The following PWWP2A variants were observed in gnomAD, a reference collection of about 807,000 sequenced individuals.
PWWP2A encodes PWWP domain-containing protein 2A.
Under a neutral mutation model 48.5 loss-of-function variants are expected in PWWP2A, and 18 were observed. The ratio of observed to expected loss-of-function variants is 0.37; its 90% CI spans 0.26 to 0.55. PWWP2A has a LOEUF of 0.55. Among genes scored for constraint, PWWP2A ranks in the 20% least tolerant of loss-of-function variants. The pLI is 0.81. For synonymous variants in PWWP2A, 396 were observed against 387.7 expected, an observed-to-expected ratio of 1.02 and a Z score of -0.25; for missense variants, 867 against 976.4, an observed-to-expected ratio of 0.89 and a Z score of 1.49.
the PWWP2A span, among the ~76,000 whole-genome samples, chr5:160,045,311 C>T: frequency 1.3e-5 from 2 of 152,050 alleles, no homozygotes; most frequent in African/African-American, 2.4e-5. Context: ...AAGTGTTTTC[C>T]GCATTTGTTT....
chr5:160,056,669 G>A, the PWWP2A span, among the ~76,000 whole-genome samples: 1 of 152,174 alleles, frequency 6.6e-6, no homozygotes, highest in East Asian at 1.9e-4. Context: ...GCTGCAGTGA[G>A]CTGTGATGGC....
chr5:160,060,213 G>C (rs1173204305), downstream of PWWP2A, among the ~76,000 whole-genome samples: 1 of 152,220 alleles, frequency 6.6e-6, no homozygotes, highest in Admixed American at 6.5e-5. Flanking sequence ...CCATGCCCGA[G>C]TGATCTTAAG....
downstream of PWWP2A, among the ~76,000 whole-genome samples, chr5:160,059,657 C>G (rs1757646655): frequency 6.6e-6 from 1 of 152,102 alleles, no homozygotes; most frequent in African/African-American, 2.4e-5. Context: ...GGGAGAGATA[C>G]AAGGGAATGG....
the PWWP2A span, among the ~76,000 whole-genome samples, chr5:160,056,774 C>T: frequency 3.9e-5 from 6 of 152,130 alleles, no homozygotes; most frequent in South Asian, 6.2e-4. Context: ...TATTAAAGAG[C>T]TATATATGGA....
At chr5:160,088,898 A>G (rs534074587), downstream of PWWP2A, among the ~76,000 whole-genome samples, 9 of 152,212 alleles carry the variant, frequency 5.9e-5, no homozygotes, top group Non-Finnish European at 8.8e-5. Flanking sequence ...AAACATAAGC[A>G]ATTTTTAGAA....
At position 160,119,380 on chromosome 5, in the gene PWWP2A, G is replaced by A; in HGVS notation, c.9C>T (p.Ala3=). Reference sequence around the variant, plus strand: ...CAGTCGCTGCCGCCTCTGCAGCCACGGCCGCCATTTTCTTCCTAGCTTCTC... The same window carrying A: ...CAGTCGCTGCCGCCTCTGCAGCCACAGCCGCCATTTTCTTCCTAGCTTCTC... MA[A]VAAEAAATAA... is the part of the protein sequence containing the mutation. Residue 3 remains alanine, a synonymous_variant, in exon 1 of 2, where the codon GCC becomes GCT. Transcript: ENST00000307063. The A allele has an allele frequency of 3.1e-6, 4 of 1,278,306 alleles. No homozygotes were observed. Among genetic ancestry groups the A allele is most frequent in the South Asian group, 1.8e-5 (1 of 55,552 alleles). 79.2% of individuals were successfully genotyped at this position (1,278,306 alleles called of 1,614,324 possible).
intron 2 of PWWP2A, among the ~76,000 whole-genome samples, chr5:160,086,044 CCTT>C (rs1178541445): frequency 6.6e-6 from 1 of 151,946 alleles, no homozygotes; most frequent in African/African-American, 2.4e-5. Context: ...GCCTTGAACT[CCTT>C]AACTCAGGTG....
chr5:160,054,765 T>C, the PWWP2A span, among the ~76,000 whole-genome samples: 3 of 152,224 alleles, frequency 2.0e-5, no homozygotes, highest in Non-Finnish European at 4.4e-5. Flanking sequence ...TCAGGTTTCA[T>C]ATGGCAGACA....
chr5:160,045,033 G>C, the PWWP2A span, among the ~76,000 whole-genome samples: 2 of 152,150 alleles, frequency 1.3e-5, no homozygotes, highest in Non-Finnish European at 2.9e-5. Flanking sequence ...TGAATGTACT[G>C]TTTTGTTTGG....
chr5:160,115,637 G>C (rs1190666693), intron 1 of PWWP2A, among the ~76,000 whole-genome samples: 3 of 151,512 alleles, frequency 2.0e-5, no homozygotes, highest in Non-Finnish European at 4.4e-5. Flanking sequence ...AGGTTGCACT[G>C]AGCTGAGATC....
At chr5:160,104,122 C>CAA (rs70990703) in intron 1 of PWWP2A, among the ~76,000 whole-genome samples, 10 of 61,756 alleles carry the variant, frequency 1.6e-4, no homozygotes, top group Non-Finnish European at 2.3e-4. Flanking sequence ...GACTCTGTCT[C>CAA]AAAAAAAAAA....
rs79262522 is a variant in PWWP2A at position 160,103,644 on chromosome 5, G to A, written c.585-9579C>T. Among the ~76,000 whole-genome samples, 324 of 152,192 alleles carry A rather than the reference G, an allele frequency of 2.1e-3. 3 individuals carry two copies. The highest frequency in any genetic ancestry group is 2.6e-3 in the Non-Finnish European group (174 of 68,016). On this transcript the variant is annotated intron_variant, in intron 1 of 1. Transcript: ENST00000307063. ...CAGATTAAGTGAAGAGCAAAACAGG[G>A]AGTGGTAAATGGTGAAGACTAGTTA...
In PWWP2A at chr5:160,077,944, G is replaced by C. The variant is rs1753969520; in HGVS notation, c.*211C>G. 5 of 490,138 alleles carry C rather than the reference G, an allele frequency of 1.0e-5. No individual in the cohort carries two copies. In the East Asian group the frequency reaches 1.6e-4, roughly 15 times the overall value. The allele number at this position is 490,138 out of a possible 1,614,324, so 30.4% of individuals were successfully genotyped here. On this transcript the variant is annotated 3_prime_UTR_variant, in exon 4 of 4. Coordinates refer to the PWWP2A transcript ENST00000456329. The surrounding 1 kb of genome is among the most constrained non-coding windows in gnomAD (Gnocchi z 4.2). ...CTCCTCATCTCATGCATAATTTATTGCAAGTTTATTTTTTATAAAATATTC... is the reference window on the plus strand; with the variant it reads ...CTCCTCATCTCATGCATAATTTATTCCAAGTTTATTTTTTATAAAATATTC...
chr5:160,117,108 A>G (rs985893407), intron 1 of PWWP2A, among the ~76,000 whole-genome samples: 8 of 152,014 alleles, frequency 5.3e-5, no homozygotes, highest in African/African-American at 1.7e-4. Flanking sequence ...AAATAAATAA[A>G]TAAATAAAAT....
At chr5:160,104,160 A>C (rs1222106107) in intron 1 of PWWP2A, among the ~76,000 whole-genome samples, 1 of 150,238 alleles carries the variant, frequency 6.7e-6, no homozygotes, top group East Asian at 2.0e-4. Flanking sequence ...AAAGAAAAAG[A>C]GGAGACTGGC....
the PWWP2A span, chr5:160,051,256 G>A: frequency 1.6e-6 from 2 of 1,241,716 alleles, no homozygotes; most frequent in African/African-American, 1.5e-5. Context: ...GAATACTAGA[G>A]GAGAACACAT....
chr5:160,059,747 C>T (rs1285884666), downstream of PWWP2A, among the ~76,000 whole-genome samples: 1 of 151,982 alleles, frequency 6.6e-6, no homozygotes, highest in East Asian at 1.9e-4. Flanking sequence ...TTCATGGCAC[C>T]CCAAAATAAT....
At chr5:160,089,327 C>A (rs575291599), downstream of PWWP2A, among the ~76,000 whole-genome samples, 20 of 152,270 alleles carry the variant, frequency 1.3e-4, no homozygotes, top group African/African-American at 4.6e-4. Context: ...AGGATACAGG[C>A]GAATAGCTGG....
chr5:160,054,741 A>G, the PWWP2A span, among the ~76,000 whole-genome samples: 6 of 152,224 alleles, frequency 3.9e-5, no homozygotes, highest in Non-Finnish European at 7.3e-5. Context: ...TTTGAGGAAC[A>G]TAAAGATTTG....
Sources: allele counts gnomAD v4.1 joint callset (sites outside exome capture counted in the v4.1 genomes callset), GRCh38; gene constraint gnomAD v4.1.1; non-coding constraint Gnocchi (gnomAD v3.1); transcripts MANE v1.5; gene names NCBI Gene and HGNC (gene_info 2026-07-23, HGNC 2026-07-21).